MSH4: variants seen among roughly 807,000 people sequenced by gnomAD.
The protein encoded by MSH4 is mutS homolog 4.
A neutral mutation model predicts 113.7 loss-of-function variants in MSH4; 106 were observed. That is an observed-to-expected ratio of 0.93 (90% CI 0.80 to 1.10). The LOEUF (loss-of-function observed/expected upper bound fraction) is 1.10. Among genes scored for constraint, MSH4 ranks in the 50% least tolerant of loss-of-function variants. The probability of loss-of-function intolerance (pLI) is 0.00; values close to 1 mark genes in which losing one functional copy is unlikely to be tolerated. For missense variants in MSH4, 1,061 were observed against 1,093.7 expected (o/e 0.97, Z 0.42); for synonymous variants, 368 against 380.2 (o/e 0.97, Z 0.37).
chr1:75,847,518 G>A (rs903777041), intron 7 of MSH4, among the ~76,000 whole-genome samples: 9 of 152,114 alleles, frequency 5.9e-5, no homozygotes, highest in Admixed American at 2.0e-4. Flanking sequence ...AAGAATGAGG[G>A]TAAGTCGTGT....
At chr1:75,906,894 C>T (rs567639957) in intron 19 of MSH4, among the ~76,000 whole-genome samples, 16 of 149,140 alleles carry the variant, frequency 1.1e-4, no homozygotes, top group East Asian at 6.0e-4. Context: ...AGTGCAGTGG[C>T]GCGATCTTGG....
intron 15 of MSH4, among the ~76,000 whole-genome samples, chr1:75,886,990 A>T (rs1652139371): frequency 6.6e-6 from 1 of 151,636 alleles, no homozygotes; most frequent in Admixed American, 6.6e-5. Flanking sequence ...GGCTTCAATA[A>T]ATAGGTATTG....
At chr1:75,891,373 T>G (rs1415416219) in intron 17 of MSH4, among the ~76,000 whole-genome samples, 6 of 152,178 alleles carry the variant, frequency 3.9e-5, no homozygotes, top group Non-Finnish European at 7.3e-5. Context: ...ATACTTTTTC[T>G]TATTTAAGAT....
intron 8 of MSH4, among the ~76,000 whole-genome samples, chr1:75,855,033 GT>G (rs35656516): frequency 0.54 from 80,510 of 149,386 alleles, 22,245 homozygotes; most frequent in South Asian, 0.71. Flanking sequence ...ATTTGTATTA[GT>G]TTTTTTTTTT....
At chr1:75,880,205 A>G (rs778890243) in intron 13 of MSH4, 52 bp downstream of exon 13, 4 of 931,376 alleles carry the variant, frequency 4.3e-6, no homozygotes, top group Admixed American at 5.0e-5. Flanking sequence ...TTAATTTGAG[A>G]AACTGTTACA....
intron 6 of MSH4, among the ~76,000 whole-genome samples, chr1:75,821,983 G>A (rs1650424677): frequency 6.6e-6 from 1 of 151,378 alleles, no homozygotes; most frequent in Admixed American, 6.6e-5. Context: ...GCACAGTAAA[G>A]TTTAAGAATC....
chr1:75,867,755 A>G (rs1651620106), intron 9 of MSH4, among the ~76,000 whole-genome samples, 167 bp downstream of exon 9: 1 of 152,082 alleles, frequency 6.6e-6, no homozygotes, highest in Admixed American at 6.6e-5. Flanking sequence ...TAGCCTTATT[A>G]TGCTTACTGA....
At position 75,898,037 on chromosome 1, in the gene MSH4, A is replaced by T. The variant is rs1465748386; in HGVS notation, c.2486A>T (p.Tyr829Phe). ...NTSRNKEAILYTYKLSKGLTE... is the reference protein window; with the variant it reads ...NTSRNKEAILFTYKLSKGLTE... ...TCAAGAAATAAAGAAGCAATTTTGT[A>T]TACCTACAAACTTTCTAAGGGACTC... is the stretch of plus-strand genomic sequence containing the variant. The change falls in exon 18 of 20, where the codon TAT becomes TTT. Residue 829 changes from tyrosine to phenylalanine, a missense_variant. By Grantham distance (22) the Tyr-to-Phe change is conservative. Transcript: ENST00000263187. 1.9e-6 allele frequency: 3 copies of T among 1,602,660 alleles called. No individual in the cohort carries two copies. Among genetic ancestry groups the T allele is most frequent in the African/African-American group, 2.7e-5 (2 of 74,636 alleles).
chr1:75,866,443 C>T (rs1394194841), intron 8 of MSH4, among the ~76,000 whole-genome samples: 1 of 152,284 alleles, frequency 6.6e-6, no homozygotes, highest in African/African-American at 2.4e-5. Context: ...GGATTACCGA[C>T]ATAAGCCATT....
chr1:75,898,609 C>A (rs978500599), intron 18 of MSH4, among the ~76,000 whole-genome samples: 2 of 151,588 alleles, frequency 1.3e-5, no homozygotes, highest in African/African-American at 4.9e-5. Context: ...ACCTCCACCT[C>A]CCAAGCTCAA....
intron 7 of MSH4, among the ~76,000 whole-genome samples, chr1:75,830,443 C>G (rs760494523): frequency 6.6e-6 from 1 of 152,090 alleles, no homozygotes; most frequent in Non-Finnish European, 1.5e-5. Flanking sequence ...CAGAGAACGC[C>G]GCAAAGATAC....
chr1:75,862,254 C>T (rs961075560), intron 8 of MSH4, among the ~76,000 whole-genome samples: 1 of 152,178 alleles, frequency 6.6e-6, no homozygotes. Flanking sequence ...TGAGGTGATG[C>T]CCTGCCCTGT....
At chr1:75,863,122 T>C (rs1396085831) in intron 8 of MSH4, among the ~76,000 whole-genome samples, 3 of 152,188 alleles carry the variant, frequency 2.0e-5, no homozygotes, top group Non-Finnish European at 4.4e-5. Flanking sequence ...TTTCAAATGA[T>C]TTCAGACTGC....
chr1:75,912,822 C>A lies in MSH4; in HGVS notation c.2746C>A (p.Leu916Ile). 1 of 1,584,364 alleles carries A rather than the reference C, an allele frequency of 6.3e-7. No homozygotes were observed. Residue 916 changes from leucine (L) to isoleucine (I), a missense_variant, in exon 20 of 20, where the codon CTC (leucine) becomes ATC (isoleucine). Physicochemically the swap from Leu to Ile is conservative, Grantham distance 5. Transcript: ENST00000263187. The part of the protein sequence containing the change: ...PDSLRIYLSN[L>I]KKKYKEDFPR... ...CAGTTTACGAATATATTTAAGTAAC[C>A]TCAAGAAGAAGTACAAAGAAGATTT...
Position 75,877,001 on chromosome 1 carries a change from GTC to G in MSH4, c.1370+3_1370+4del. 4 of 1,536,234 alleles carry G rather than the reference GTC, an allele frequency of 2.6e-6. No homozygotes were observed. The highest frequency in any genetic ancestry group is 2.6e-6 in the Non-Finnish European group (3 of 1,139,530). ...ACTATGGTTCCTTGGAAGACAAGAGGTCTTTGTCACTCAACCGTTAATAAAAA... is the reference window on the plus strand; with the variant it reads ...ACTATGGTTCCTTGGAAGACAAGAGGTTTGTCACTCAACCGTTAATAAAAA... On this transcript the variant is annotated splice_donor_variant and splice_donor_region_variant and intron_variant, in intron 10 of 19. Coordinates refer to ENST00000263187, the MANE Select transcript of MSH4 (RefSeq NM_002440.4). LOFTEE classifies it high-confidence loss of function.
chr1:75,837,506 C>T (rs1650857767), intron 7 of MSH4, among the ~76,000 whole-genome samples: 1 of 151,190 alleles, frequency 6.6e-6, no homozygotes, highest in South Asian at 2.1e-4. Context: ...CTTGCCTCAG[C>T]CTCCCGAGTA....
intron 1 of MSH4, among the ~76,000 whole-genome samples, chr1:75,797,472 A>G (rs565972408): frequency 6.6e-6 from 1 of 152,264 alleles, no homozygotes; most frequent in East Asian, 1.9e-4. Context: ...TATCCCATAT[A>G]ACGTCCCTCA....
chr1:75,863,463 C>CT (rs1355888349), intron 8 of MSH4, among the ~76,000 whole-genome samples: 1 of 151,970 alleles, frequency 6.6e-6, no homozygotes, highest in Non-Finnish European at 1.5e-5. Flanking sequence ...TATAAAATGG[C>CT]TTTTTTTGCT....
At chr1:75,839,583 G>C (rs1006951127) in intron 7 of MSH4, among the ~76,000 whole-genome samples, 10 of 151,922 alleles carry the variant, frequency 6.6e-5, no homozygotes. Flanking sequence ...AGAGTGGGAG[G>C]GTAATTTTTA....
Sources: allele counts gnomAD v4.1 joint callset (sites outside exome capture counted in the v4.1 genomes callset), GRCh38; gene constraint gnomAD v4.1.1; transcripts MANE v1.5; gene names NCBI Gene and HGNC (gene_info 2026-07-23, HGNC 2026-07-21).